Variants in SMARCA2 observed in about 807,000 individuals in gnomAD.
SMARCA2 encodes the protein SWI/SNF-related matrix-associated actin-dependent regulator of chromatin subfamily A member 2.
SMARCA2 carries 61 observed loss-of-function variants against 199.8 expected under a neutral mutation model. That is an observed-to-expected ratio of 0.31 (90% CI 0.25 to 0.38). SMARCA2 has a LOEUF of 0.38. Ranked by LOEUF, SMARCA2 falls within the 10% of genes least tolerant of loss-of-function variation. SMARCA2 has a pLI of 1.00. For synonymous variants in SMARCA2, 935 were observed against 732.0 expected, an observed-to-expected ratio of 1.28 and a Z score of -4.48; for missense variants, 1,344 against 2,012.2, an observed-to-expected ratio of 0.67 and a Z score of 6.35.
chr9:2,049,571 C>G (rs28446719), intron 5 of SMARCA2, among the ~76,000 whole-genome samples: 5,752 of 152,180 alleles, frequency 0.038, 358 homozygotes, highest in African/African-American at 0.13. Context: ...TCTGGACAAC[C>G]CTGAATCCAG....
chr9:2,188,134 T>TATTATGAACACTTTCCATGGCAA (rs1276511155), intron 32 of SMARCA2, among the ~76,000 whole-genome samples: 1 of 152,204 alleles, frequency 6.6e-6, no homozygotes, highest in Non-Finnish European at 1.5e-5. Context: ...TTTTTGTACT[T>TATTATGAACACTTTCCATGGCAA]ATTATGAACA....
chr9:2,067,809 G>C (rs547412257), intron 9 of SMARCA2, among the ~76,000 whole-genome samples: 1 of 152,194 alleles, frequency 6.6e-6, no homozygotes, highest in African/African-American at 2.4e-5. Context: ...ATAGTTTTGG[G>C]GATTTTAAGT....
chr9:2,033,280 C>T (rs1242889525), intron 3 of SMARCA2, 199 bp downstream of exon 3: 2 of 537,378 alleles, frequency 3.7e-6, no homozygotes, highest in Admixed American at 3.6e-5. Flanking sequence ...TTTCCGAAGT[C>T]CTAGTAATTT....
chr9:2,134,901 C>G (rs947834860), intron 27 of SMARCA2, among the ~76,000 whole-genome samples: 1 of 152,208 alleles, frequency 6.6e-6, no homozygotes, highest in Admixed American at 6.5e-5. Flanking sequence ...ACCCTATCCT[C>G]AGACTTCCAG....
intron 27 of SMARCA2, among the ~76,000 whole-genome samples, chr9:2,127,340 G>T (rs1176412082): frequency 6.6e-6 from 1 of 152,138 alleles, no homozygotes; most frequent in African/African-American, 2.4e-5. Context: ...TGACAGATAA[G>T]GGTATAGATA....
chr9:2,112,462 A>G (rs1034304698), intron 24 of SMARCA2, among the ~76,000 whole-genome samples: 3 of 149,824 alleles, frequency 2.0e-5, no homozygotes, highest in African/African-American at 7.3e-5. Flanking sequence ...ATGATGTTCC[A>G]CCCCACCCCG....
chr9:2,060,595 C>T (rs1057422588), intron 8 of SMARCA2, among the ~76,000 whole-genome samples: 3 of 152,322 alleles, frequency 2.0e-5, no homozygotes, highest in East Asian at 1.9e-4. Context: ...GCTTTGTGCC[C>T]GGACTTTGCT....
At position 2,101,549 on chromosome 9, in the gene SMARCA2, TTCTA is replaced by T. The variant is rs748177794; in HGVS notation, c.3079-17_3079-14del. The T allele has an allele frequency of 2.2e-6, 3 of 1,371,660 alleles. No homozygotes were observed. The highest frequency in any genetic ancestry group is 3.9e-5 in the Admixed American group (2 of 51,186). The allele number at this position is 1,371,660 out of a possible 1,614,324, so 85.0% of individuals were successfully genotyped here. A position where few individuals can be genotyped will look rare whatever the true frequency, so the allele number is the denominator to read the frequency against. ...TAATTACATTTTTTAAAATCATTCT[TTCTA>T]TCTCTCTCTTTTAAAGGAATCCTTT... On this transcript the variant is annotated splice_polypyrimidine_tract_variant and intron_variant, in intron 21 of 33. Coordinates refer to ENST00000349721, the MANE Select transcript of SMARCA2 (RefSeq NM_003070.5).
At chr9:2,103,587 G>T (rs1191307217) in intron 22 of SMARCA2, among the ~76,000 whole-genome samples, 1 of 151,246 alleles carries the variant, frequency 6.6e-6, no homozygotes, top group Non-Finnish European at 1.5e-5. Context: ...AATTTAAAAA[G>T]TTATATACTG....
At chr9:2,049,601 G>A (rs1449859671) in intron 5 of SMARCA2, among the ~76,000 whole-genome samples, 4 of 152,172 alleles carry the variant, frequency 2.6e-5, no homozygotes, top group African/African-American at 4.8e-5. Context: ...GGGTCCTTTG[G>A]TCTGAATTTT....
At chr9:2,076,709 AATG>A (rs1821339634) in intron 13 of SMARCA2, among the ~76,000 whole-genome samples, 1 of 151,884 alleles carries the variant, frequency 6.6e-6, no homozygotes, top group Non-Finnish European at 1.5e-5. Flanking sequence ...TGCCTCCCTT[AATG>A]ATATCAGCAG....
chr9:2,189,199 G>C (rs1352732191), intron 32 of SMARCA2, among the ~76,000 whole-genome samples: 1 of 152,138 alleles, frequency 6.6e-6, no homozygotes, highest in African/African-American at 2.4e-5. Context: ...ATGATATTCT[G>C]TCCACCACAC....
intron 14 of SMARCA2, among the ~76,000 whole-genome samples, chr9:2,078,672 C>T (rs183489413): frequency 3.3e-5 from 5 of 151,748 alleles, no homozygotes; most frequent in African/African-American, 9.7e-5. Flanking sequence ...AGGCCAGGTG[C>T]GGTAGCTCAC....
chr9:2,171,839 G>C (rs990130090), intron 29 of SMARCA2, among the ~76,000 whole-genome samples: 2 of 152,092 alleles, frequency 1.3e-5, no homozygotes, highest in African/African-American at 4.8e-5. Context: ...TTCCCTCTTT[G>C]CCCTCTTCCA....
intron 27 of SMARCA2, among the ~76,000 whole-genome samples, chr9:2,155,733 T>C (rs1222065012): frequency 9.5e-5 from 2 of 21,024 alleles, no homozygotes; most frequent in Non-Finnish European, 9.8e-5. Context: ...TTTTTTTTTT[T>C]TTTTTTTTTT....
At position 2,046,468 on chromosome 9, in the gene SMARCA2, GA is replaced by G. The variant is rs199739009; in HGVS notation, c.791-759del. Among the ~76,000 whole-genome samples, 1,284 of 152,264 alleles carry G rather than the reference GA, an allele frequency of 8.4e-3. 17 individuals are homozygous for G. The highest frequency in any genetic ancestry group is 0.029 in the African/African-American group (1,188 of 41,556). On this transcript the variant is annotated intron_variant, in intron 4 of 33. Transcript: ENST00000349721. ...GAGCAGATTTTTTTTGGCTAACAAT[GA>G]ATGTTTTAAGAAGTGTTTTCTAATA... is the stretch of plus-strand genomic sequence containing the variant.
At position 2,110,165 on chromosome 9, in the gene SMARCA2, T is replaced by A; in HGVS notation, c.3293-89T>A. On this transcript the variant is annotated intron_variant, in intron 23 of 33. Coordinates refer to ENST00000349721, the MANE Select transcript of SMARCA2 (RefSeq NM_003070.5). The surrounding 1 kb of genome is among the most constrained non-coding windows in gnomAD (Gnocchi z 4.8). ...CAGTGTTAGGAGGAGTCTGGGTATA[T>A]TTCTTGAAGGAAGCAAGCCTTTTTG... 2 of 1,045,576 alleles carry A rather than the reference T, an allele frequency of 1.9e-6. No homozygotes were observed. Among genetic ancestry groups the A allele is most frequent in the South Asian group, 3.4e-5 (2 of 59,082 alleles). 64.8% of individuals were successfully genotyped at this position (1,045,576 alleles called of 1,614,324 possible). A position where few individuals can be genotyped will look rare whatever the true frequency, so the allele number is the denominator to read the frequency against.
intron 27 of SMARCA2, among the ~76,000 whole-genome samples, chr9:2,151,302 G>A (rs1010896498): frequency 6.6e-6 from 1 of 151,498 alleles, no homozygotes; most frequent in Admixed American, 6.6e-5. Flanking sequence ...GAGGGAATTG[G>A]CCACCAAAGA....
At chr9:2,173,932 T>G (rs1826395062) in intron 29 of SMARCA2, among the ~76,000 whole-genome samples, 1 of 152,218 alleles carries the variant, frequency 6.6e-6, no homozygotes, top group Admixed American at 6.5e-5. Context: ...TGCTCGGAGA[T>G]GTGGACTCCA....
Sources: allele counts gnomAD v4.1 joint callset (sites outside exome capture counted in the v4.1 genomes callset), GRCh38; gene constraint gnomAD v4.1.1; non-coding constraint Gnocchi (gnomAD v3.1); transcripts MANE v1.5; gene names NCBI Gene and HGNC (gene_info 2026-07-23, HGNC 2026-07-21).